GABBR2: variants seen among roughly 807,000 people sequenced by gnomAD.
The protein encoded by GABBR2 is G-protein coupled receptor 51.
Under a neutral mutation model 105.6 loss-of-function variants are expected in GABBR2, and 23 were observed. The ratio of observed to expected loss-of-function variants is 0.22; its 90% confidence interval spans 0.16 to 0.31. The LOEUF is 0.31. Ranked by LOEUF, GABBR2 falls within the 10% of genes least tolerant of loss-of-function variation. GABBR2 has a pLI of 1.00. For missense variants in GABBR2, 734 were observed against 1,245.5 expected (o/e 0.59, Z 6.18); for synonymous variants, 478 against 499.7 (o/e 0.96, Z 0.58).
At chr9:98,668,763 A>G (rs1366424771) in intron 1 of GABBR2, among the ~76,000 whole-genome samples, 1 of 152,186 alleles carries the variant, frequency 6.6e-6, no homozygotes, top group Non-Finnish European at 1.5e-5. Flanking sequence ...AATTGGAATC[A>G]TAGAATATTT....
At chr9:98,441,872 T>C (rs967147999) in intron 7 of GABBR2, among the ~76,000 whole-genome samples, 1 of 152,170 alleles carries the variant, frequency 6.6e-6, no homozygotes, top group African/African-American at 2.4e-5. Flanking sequence ...TGAGAACCAC[T>C]GCCATGGAAA....
chr9:98,573,052 C>T (rs909571003), intron 2 of GABBR2, among the ~76,000 whole-genome samples: 1 of 152,216 alleles, frequency 6.6e-6, no homozygotes. Flanking sequence ...GCCCTACAGT[C>T]AGGGCCACAC....
At chr9:98,568,896 T>C (rs766785659) in intron 2 of GABBR2, among the ~76,000 whole-genome samples, 1 of 152,152 alleles carries the variant, frequency 6.6e-6, no homozygotes, top group South Asian at 2.1e-4. Flanking sequence ...GCACTGGGCA[T>C]CTGATGACAG....
chr9:98,646,046 C>A (rs1331025771), intron 1 of GABBR2, among the ~76,000 whole-genome samples: 2 of 152,210 alleles, frequency 1.3e-5, no homozygotes, highest in African/African-American at 2.4e-5. Flanking sequence ...CACTGTAATA[C>A]TTTCTCTGGG....
At chr9:98,577,547 T>C (rs962190835) in intron 2 of GABBR2, among the ~76,000 whole-genome samples, 1 of 152,186 alleles carries the variant, frequency 6.6e-6, no homozygotes, top group Non-Finnish European at 1.5e-5. Flanking sequence ...AGCAGGGCTC[T>C]GAGGCCCAAA....
intron 1 of GABBR2, among the ~76,000 whole-genome samples, chr9:98,596,458 T>C (rs1260501085): frequency 6.6e-6 from 1 of 152,142 alleles, no homozygotes; most frequent in East Asian, 1.9e-4. Flanking sequence ...CTTCTCGGGC[T>C]TCACATTTAT....
chr9:98,581,519 G>C (rs1315210290), intron 1 of GABBR2, among the ~76,000 whole-genome samples: 4 of 93,644 alleles, frequency 4.3e-5, no homozygotes. Flanking sequence ...GGGAGGGAGG[G>C]AGACAGGGAG....
chr9:98,536,615 C>T (rs1007854917), intron 3 of GABBR2, among the ~76,000 whole-genome samples: 3 of 152,090 alleles, frequency 2.0e-5, no homozygotes, highest in Non-Finnish European at 4.4e-5. Context: ...CCTCTCAGCT[C>T]CTTGCCCTAA....
intron 8 of GABBR2, among the ~76,000 whole-genome samples, chr9:98,395,699 G>T (rs561575144): frequency 2.0e-5 from 3 of 152,148 alleles, no homozygotes; most frequent in Admixed American, 2.0e-4. Context: ...GCTGGGAGAA[G>T]ACCCTTGAGC....
intron 13 of GABBR2, among the ~76,000 whole-genome samples, chr9:98,360,357 G>A (rs1831561252): frequency 6.6e-6 from 1 of 152,156 alleles, no homozygotes; most frequent in African/African-American, 2.4e-5. Context: ...AAAGGGTTCT[G>A]TTACCATAGC....
chr9:98,568,843 C>T (rs565739454), intron 2 of GABBR2, among the ~76,000 whole-genome samples: 3 of 152,270 alleles, frequency 2.0e-5, no homozygotes, highest in South Asian at 2.1e-4. Context: ...TTTTCCTCAC[C>T]TCATGTGTGA....
chr9:98,617,926 C>T (rs1453894889), intron 1 of GABBR2, among the ~76,000 whole-genome samples: 1 of 152,180 alleles, frequency 6.6e-6, no homozygotes, highest in East Asian at 1.9e-4. Context: ...GTCCCCTTAC[C>T]ACTCCGAGCC....
chr9:98,612,190 T>C (rs1001707174), intron 1 of GABBR2, among the ~76,000 whole-genome samples: 1 of 152,232 alleles, frequency 6.6e-6, no homozygotes, highest in East Asian at 1.9e-4. Context: ...TGCACAGCTC[T>C]GAGGGGCTCT....
intron 7 of GABBR2, among the ~76,000 whole-genome samples, chr9:98,426,562 C>T (rs919064692): frequency 2.6e-5 from 4 of 152,182 alleles, no homozygotes; most frequent in Non-Finnish European, 2.9e-5. Context: ...CCCTGGCATG[C>T]CTGATTGAGA....
intron 1 of GABBR2, among the ~76,000 whole-genome samples, chr9:98,669,851 A>T (rs545226658): frequency 8.5e-5 from 13 of 152,214 alleles, no homozygotes; most frequent in Non-Finnish European, 1.6e-4. Flanking sequence ...AGAAGCACAC[A>T]TCATGAGGAA....
chr9:98,474,617 T>C (rs1010600800), intron 5 of GABBR2, among the ~76,000 whole-genome samples: 6 of 152,168 alleles, frequency 3.9e-5, no homozygotes, highest in Non-Finnish European at 7.4e-5. Flanking sequence ...TTAGGAGATG[T>C]TGGGGAACCA....
At chr9:98,664,087 T>C (rs534762464) in intron 1 of GABBR2, among the ~76,000 whole-genome samples, 2 of 152,286 alleles carry the variant, frequency 1.3e-5, no homozygotes, top group South Asian at 2.1e-4. Flanking sequence ...GGAAAGGCCA[T>C]GTCTGGGCGT....
intron 7 of GABBR2, among the ~76,000 whole-genome samples, chr9:98,414,543 G>C (rs1032731592): frequency 6.6e-6 from 1 of 152,128 alleles, no homozygotes; most frequent in South Asian, 2.1e-4. Flanking sequence ...TTTTAATGAG[G>C]GGGTGACTTG....
intron 1 of GABBR2, among the ~76,000 whole-genome samples, chr9:98,689,719 T>G (rs1231035691): frequency 6.6e-6 from 1 of 152,250 alleles, no homozygotes; most frequent in Admixed American, 6.5e-5. Context: ...ATGGCACGGT[T>G]ATGTTCTTCC....
Sources: allele counts gnomAD v4.1 joint callset (sites outside exome capture counted in the v4.1 genomes callset), GRCh38; gene constraint gnomAD v4.1.1; transcripts MANE v1.5; gene names NCBI Gene and HGNC (gene_info 2026-07-23, HGNC 2026-07-21).